The following KALRN variants were observed in gnomAD, a reference collection of about 807,000 sequenced individuals.
The protein encoded by KALRN is kalirin.
Under a neutral mutation model 353.7 loss-of-function variants are expected in KALRN, and 70 were observed. That is an observed-to-expected ratio of 0.20 (90% CI 0.16 to 0.24). The LOEUF is 0.24. KALRN is among the 10% of genes least tolerant of loss of function. The probability of loss-of-function intolerance (pLI) is 1.00; values close to 1 mark genes in which losing one functional copy is unlikely to be tolerated. For missense variants in KALRN, 2,791 were observed against 3,756.7 expected (o/e 0.74, Z 6.72); for synonymous variants, 1,391 against 1,434.8 (o/e 0.97, Z 0.69).
intron 48 of KALRN, among the ~76,000 whole-genome samples, chr3:124,673,019 C>T (rs1255281978): frequency 1.3e-5 from 2 of 152,226 alleles, no homozygotes; most frequent in Non-Finnish European, 2.9e-5. Flanking sequence ...CGTCACATCA[C>T]CTGGAAATGA....
chr3:124,346,497 A>G (rs980998911), intron 9 of KALRN, among the ~76,000 whole-genome samples: 1 of 152,192 alleles, frequency 6.6e-6, no homozygotes, highest in Non-Finnish European at 1.5e-5. Flanking sequence ...TAAAGGACTT[A>G]GGATGCAAAC....
At chr3:124,517,405 G>T (rs1475702366) in intron 33 of KALRN, among the ~76,000 whole-genome samples, 3 of 152,190 alleles carry the variant, frequency 2.0e-5, no homozygotes, top group African/African-American at 7.2e-5. Flanking sequence ...CATGCGGCAA[G>T]TGTGATAGAA....
chr3:124,154,484 C>G (rs923491544), intron 1 of KALRN, among the ~76,000 whole-genome samples: 4 of 152,092 alleles, frequency 2.6e-5, no homozygotes, highest in African/African-American at 9.7e-5. Flanking sequence ...AACAGAGAGC[C>G]AAATCATGAG....
At chr3:124,660,678 C>G (rs1246488886) in intron 43 of KALRN, among the ~76,000 whole-genome samples, 1 of 56,688 alleles carries the variant, frequency 1.8e-5, no homozygotes, top group Non-Finnish European at 3.1e-5. Context: ...GAGACTATGT[C>G]TCAAAAAAAA....
intron 34 of KALRN, among the ~76,000 whole-genome samples, chr3:124,586,233 G>A (rs1320277126): frequency 6.6e-6 from 1 of 152,184 alleles, no homozygotes; most frequent in Non-Finnish European, 1.5e-5. Context: ...GGGAAAGGGG[G>A]AATAAAGCGC....
At chr3:124,086,704 A>T (rs2060843808) in intron 1 of KALRN, among the ~76,000 whole-genome samples, 1 of 152,208 alleles carries the variant, frequency 6.6e-6, no homozygotes, top group Non-Finnish European at 1.5e-5. Flanking sequence ...TGAAAATATA[A>T]TGTACTCACA....
At chr3:124,417,384 C>A (rs1278992558) in intron 14 of KALRN, among the ~76,000 whole-genome samples, 3 of 152,230 alleles carry the variant, frequency 2.0e-5, no homozygotes, top group Non-Finnish European at 2.9e-5. Flanking sequence ...TACTTCTTCT[C>A]TCCCATGAAA....
intron 23 of KALRN, among the ~76,000 whole-genome samples, chr3:124,460,150 T>G (rs971701030): frequency 2.6e-5 from 4 of 152,142 alleles, no homozygotes; most frequent in Non-Finnish European, 5.9e-5. Flanking sequence ...AGTTGTTAGA[T>G]CCAGGGGCCA....
chr3:124,525,330 T>C (rs1247103142), intron 33 of KALRN, among the ~76,000 whole-genome samples: 1 of 152,230 alleles, frequency 6.6e-6, no homozygotes, highest in Non-Finnish European at 1.5e-5. Context: ...TGTAAGGATG[T>C]CCAGTGATTC....
chr3:124,302,893 A>G (rs140296929), intron 6 of KALRN, among the ~76,000 whole-genome samples: 156 of 152,214 alleles, frequency 1.0e-3, no homozygotes, highest in Admixed American at 2.9e-3. Context: ...TAAAGATACC[A>G]CTCAGACTGG....
intron 5 of KALRN, among the ~76,000 whole-genome samples, chr3:124,292,254 A>T (rs140597483): frequency 6.6e-6 from 1 of 152,274 alleles, no homozygotes; most frequent in Non-Finnish European, 1.5e-5. Flanking sequence ...ACTTTGTAGG[A>T]TCTCATCCCT....
At chr3:124,041,373 A>G (rs1186198569) in intron 1 of KALRN, among the ~76,000 whole-genome samples, 1 of 152,188 alleles carries the variant, frequency 6.6e-6, no homozygotes, top group Non-Finnish European at 1.5e-5. Context: ...GTACAATACT[A>G]TCCGAATATA....
intron 5 of KALRN, among the ~76,000 whole-genome samples, chr3:124,270,646 A>G (rs953657027): frequency 2.6e-5 from 4 of 152,062 alleles, no homozygotes; most frequent in African/African-American, 9.7e-5. Flanking sequence ...AGTGGCCTGG[A>G]AGCCTGGGTC....
At chr3:124,145,069 C>T (rs2067158931) in intron 1 of KALRN, among the ~76,000 whole-genome samples, 1 of 152,084 alleles carries the variant, frequency 6.6e-6, no homozygotes, top group South Asian at 2.1e-4. Flanking sequence ...AAGCCCTTCT[C>T]TTATGGGCAA....
intron 33 of KALRN, among the ~76,000 whole-genome samples, chr3:124,529,143 G>T (rs2067835558): frequency 1.3e-5 from 2 of 152,256 alleles, no homozygotes; most frequent in African/African-American, 2.4e-5. Flanking sequence ...TTCCATGAGG[G>T]TAGGGATTCT....
intron 33 of KALRN, among the ~76,000 whole-genome samples, chr3:124,537,517 G>A (rs2068631341): frequency 1.3e-5 from 2 of 152,198 alleles, no homozygotes; most frequent in Admixed American, 1.3e-4. Flanking sequence ...GCAGACAGGA[G>A]CTGCTTATGG....
chr3:124,214,922 A>C (rs1259395081), intron 1 of KALRN, among the ~76,000 whole-genome samples: 1 of 152,160 alleles, frequency 6.6e-6, no homozygotes, highest in Non-Finnish European at 1.5e-5. Flanking sequence ...GCTGCCTACT[A>C]GGTAGATGTG....
At chr3:124,317,455 G>T (rs1258896146) in intron 6 of KALRN, among the ~76,000 whole-genome samples, 1 of 152,178 alleles carries the variant, frequency 6.6e-6, no homozygotes, top group Admixed American at 6.5e-5. Flanking sequence ...AGCACATTTG[G>T]CATGATGTTA....
At chr3:124,362,608 T>C (rs554406784) in intron 10 of KALRN, among the ~76,000 whole-genome samples, 15 of 152,390 alleles carry the variant, frequency 9.8e-5, no homozygotes, top group African/African-American at 3.6e-4. Flanking sequence ...ACTTCAGCTA[T>C]AATTACATAT....
Sources: allele counts gnomAD v4.1 joint callset (sites outside exome capture counted in the v4.1 genomes callset), GRCh38; gene constraint gnomAD v4.1.1; transcripts MANE v1.5; gene names NCBI Gene and HGNC (gene_info 2026-07-23, HGNC 2026-07-21).